The following LRBA variants were observed in gnomAD, a reference collection of about 807,000 sequenced individuals.
LRBA encodes the protein lipopolysaccharide-responsive and beige-like anchor protein.
In LRBA, 176 loss-of-function variants were observed where a neutral mutation model predicts 330.0. The observed-to-expected ratio is 0.53, with a 90% CI of 0.47 to 0.60. The LOEUF is 0.60. Ranked by LOEUF, LRBA falls within the 20% of genes least tolerant of loss-of-function variation. LRBA has a pLI of 0.00. For synonymous variants in LRBA, 1,230 were observed against 1,193.0 expected, an observed-to-expected ratio of 1.03 and a Z score of -0.64; for missense variants, 3,259 against 3,444.8, an observed-to-expected ratio of 0.95 and a Z score of 1.35.
intron 36 of LRBA, among the ~76,000 whole-genome samples, chr4:150,698,086 T>A (rs911703463): frequency 6.6e-6 from 1 of 152,188 alleles, no homozygotes; most frequent in Admixed American, 6.5e-5. Context: ...ATACTTTGTA[T>A]TATAAAATGC....
chr4:150,570,257 TA>T (rs1769670443), intron 40 of LRBA, among the ~76,000 whole-genome samples: 2 of 152,010 alleles, frequency 1.3e-5, no homozygotes, highest in African/African-American at 2.4e-5. Flanking sequence ...TGGAGAACAA[TA>T]GGGGGCTAAA....
intron 5 of LRBA, among the ~76,000 whole-genome samples, chr4:150,919,431 T>C (rs556892315): frequency 6.6e-6 from 1 of 152,376 alleles, no homozygotes; most frequent in African/African-American, 2.4e-5. Context: ...AACTTACATA[T>C]GCATTTATGT....
intron 34 of LRBA, among the ~76,000 whole-genome samples, chr4:150,789,963 C>A (rs1394716725): frequency 6.6e-6 from 1 of 152,130 alleles, no homozygotes; most frequent in East Asian, 1.9e-4. Flanking sequence ...TTTCCTAACT[C>A]TCTTCTTAAT....
chr4:150,278,135 A>G, intron 55 of LRBA, 131 bp from the exon 56 acceptor site: 1 of 730,066 alleles, frequency 1.4e-6, no homozygotes, highest in Non-Finnish European at 2.1e-6. Context: ...AGGAGTTTTT[A>G]GAAAATCGTG....
At chr4:150,735,178 T>C in intron 36 of LRBA, 80 bp downstream of exon 36, 1 of 1,039,004 alleles carries the variant, frequency 9.6e-7, no homozygotes, top group African/African-American at 1.6e-5. Context: ...TCTTTGGACC[T>C]GCCATTTTAC....
At chr4:150,289,498 T>C (rs1055451723) in intron 53 of LRBA, among the ~76,000 whole-genome samples, 1 of 152,154 alleles carries the variant, frequency 6.6e-6, no homozygotes, top group African/African-American at 2.4e-5. Context: ...AGGGTAGACT[T>C]ATGATCATTA....
At chr4:150,489,230 TTATATA>T (rs1170027450) in intron 41 of LRBA, among the ~76,000 whole-genome samples, 1 of 59,394 alleles carries the variant, frequency 1.7e-5, no homozygotes, top group Non-Finnish European at 2.8e-5. Context: ...ATATAATATA[TTATATA>T]TACGAATATA....
rs2275937 is a variant in LRBA, at chr4:150,817,364, C to A, written c.5172-107G>T. The A allele has an allele frequency of 7.0e-6, 7 of 1,006,788 alleles. No homozygotes were observed. In the East Asian group the frequency reaches 1.8e-4, roughly 26 times the overall value. The allele number at this position is 1,006,788 out of a possible 1,614,324, so 62.4% of individuals were successfully genotyped here. ...GTAGCTAACTTATTTTTCTAATTTTCTTTCTTATTTCTATTTGATGTACAA... is the reference window on the plus strand; with the variant it reads ...GTAGCTAACTTATTTTTCTAATTTTATTTCTTATTTCTATTTGATGTACAA... On this transcript the variant is annotated intron_variant, in intron 30 of 56. Transcript: ENST00000651943.
chr4:150,690,056 T>C (rs958096555), intron 36 of LRBA, among the ~76,000 whole-genome samples: 4 of 151,872 alleles, frequency 2.6e-5, no homozygotes, highest in Non-Finnish European at 5.9e-5. Flanking sequence ...GCTAGATAAA[T>C]GAAGAAATAT....
chr4:150,549,489 GC>G (rs1358013205), intron 40 of LRBA, among the ~76,000 whole-genome samples: 7 of 151,714 alleles, frequency 4.6e-5, no homozygotes, highest in Non-Finnish European at 8.8e-5. Flanking sequence ...CCGTCACCAC[GC>G]CCGGCTAATT....
chr4:150,707,160 G>A (rs759210945), intron 36 of LRBA, among the ~76,000 whole-genome samples: 3 of 151,570 alleles, frequency 2.0e-5, no homozygotes, highest in African/African-American at 4.8e-5. Context: ...TAAGGATAAG[G>A]GGTGGAAGGC....
At chr4:150,496,032 GATTTAGT>G (rs1211640729) in intron 40 of LRBA, among the ~76,000 whole-genome samples, 2 of 152,008 alleles carry the variant, frequency 1.3e-5, no homozygotes, top group Non-Finnish European at 2.9e-5. Context: ...GGAGAGAAAG[GATTTAGT>G]ATTGAATACA....
At position 150,373,162 on chromosome 4, in the gene LRBA, TGTGTGTGTGTGA is replaced by T. The variant is rs1288127391; in HGVS notation, c.7195-23015_7195-23004del. 5.0e-3 allele frequency among the ~76,000 whole-genome samples: 720 copies of T among 144,890 alleles called. 5 individuals are homozygous for T. The highest frequency in any genetic ancestry group is 0.01 in the Middle Eastern group (3 of 286). ...GTGTGTGTGTGTGTGTGTGTGTGTGTGTGTGTGTGTGAGAGAGAGAGAGAGAGAGAGAGAGAG... is the reference window on the plus strand; with the variant it reads ...GTGTGTGTGTGTGTGTGTGTGTGTGTGAGAGAGAGAGAGAGAGAGAGAGAG... On this transcript the variant is annotated intron_variant, in intron 47 of 56. Transcript: ENST00000651943.
chr4:150,541,181 A>G (rs1554050832), intron 40 of LRBA, among the ~76,000 whole-genome samples: 1 of 152,156 alleles, frequency 6.6e-6, no homozygotes, highest in Non-Finnish European at 1.5e-5. Flanking sequence ...TGTTCCACGT[A>G]TTATGTTTAA....
chr4:150,941,226 T>C (rs534750763), intron 2 of LRBA, among the ~76,000 whole-genome samples: 6 of 152,142 alleles, frequency 3.9e-5, no homozygotes, highest in Admixed American at 3.9e-4. Context: ...AGCATCGGCT[T>C]ACTGCAACCT....
intron 41 of LRBA, 30 bp downstream of exon 41, chr4:150,490,888 C>A: frequency 1.5e-6 from 2 of 1,309,866 alleles, no homozygotes; most frequent in South Asian, 1.3e-5. Flanking sequence ...GAAGTTAGCT[C>A]TGTAACAACG....
intron 37 of LRBA, among the ~76,000 whole-genome samples, chr4:150,638,605 C>T (rs1217848978): frequency 2.0e-5 from 3 of 151,524 alleles, no homozygotes; most frequent in African/African-American, 7.3e-5. Context: ...TGAAAAAATG[C>T]TCATCATCAC....
chr4:151,012,648 T>C (rs1301337299), intron 2 of LRBA, among the ~76,000 whole-genome samples: 6 of 152,210 alleles, frequency 3.9e-5, no homozygotes, highest in South Asian at 2.1e-4. Context: ...GAGTTCATTA[T>C]ACTATTCTAT....
intron 40 of LRBA, among the ~76,000 whole-genome samples, chr4:150,491,669 G>A (rs1331925086): frequency 6.6e-6 from 1 of 152,078 alleles, no homozygotes; most frequent in African/African-American, 2.4e-5. Flanking sequence ...GTAGGTGGTT[G>A]TCAGAGTAAC....
Sources: gnomAD v4.1 joint callset for allele counts (sites outside exome capture counted in the v4.1 genomes callset) on GRCh38, gnomAD v4.1.1 for gene constraint, MANE v1.5 for transcripts, NCBI Gene and HGNC (gene_info 2026-07-23, HGNC 2026-07-21) for gene names.